Variants in SEMA6D observed in about 807,000 individuals in gnomAD.
SEMA6D encodes the protein semaphorin 6D, also known as semaphorin-6D.
In SEMA6D, 35 loss-of-function variants were observed where a neutral mutation model predicts 106.6. The observed-to-expected ratio is 0.33, with a 90% confidence interval of 0.25 to 0.44. SEMA6D has a LOEUF of 0.44. Among genes scored for constraint, SEMA6D ranks in the 20% least tolerant of loss-of-function variants. The pLI is 1.00. For missense variants in SEMA6D, 1,185 were observed against 1,345.9 expected, an observed-to-expected ratio of 0.88 and a Z score of 1.87; for synonymous variants, 499 against 487.7, an observed-to-expected ratio of 1.02 and a Z score of -0.31.
At chr15:47,461,181 C>T (rs1426415002) in intron 2 of SEMA6D, among the ~76,000 whole-genome samples, 3 of 152,134 alleles carry the variant, frequency 2.0e-5, no homozygotes, top group Admixed American at 6.6e-5. Context: ...ATGACTTTCT[C>T]AGAGAAGCCT....
intron 2 of SEMA6D, among the ~76,000 whole-genome samples, chr15:47,421,172 T>C (rs957674097): frequency 2.0e-5 from 3 of 152,128 alleles, no homozygotes; most frequent in African/African-American, 7.2e-5. Flanking sequence ...TTATTGACAT[T>C]CCAAGACAAG....
chr15:47,478,582 G>T (rs1320441922), intron 3 of SEMA6D, among the ~76,000 whole-genome samples: 1 of 152,152 alleles, frequency 6.6e-6, no homozygotes, highest in Non-Finnish European at 1.5e-5. Context: ...AGAGCCAAGG[G>T]CAGGGTGTTG....
rs1171364936 is a variant in SEMA6D at position 47,279,434 on chromosome 15, A to G, written c.-239+95016A>G. On this transcript the variant is annotated intron_variant, in intron 1 of 19. Transcript: ENST00000558014. ...GCTTAAGGAGATTTTGGGCTGAGAC[A>G]ATGGGGTTTTCTAGATATACAATCA... 1.8e-4 allele frequency among the ~76,000 whole-genome samples: 26 copies of G among 145,388 alleles called. No homozygotes were observed. In the East Asian group the frequency reaches 3.9e-3, roughly 22 times the overall value.
intron 1 of SEMA6D, among the ~76,000 whole-genome samples, chr15:47,411,020 G>A (rs565525714): frequency 5.3e-5 from 8 of 151,916 alleles, no homozygotes; most frequent in African/African-American, 1.9e-4. Flanking sequence ...TCATGCCATG[G>A]TGGACACGGT....
intron 4 of SEMA6D, among the ~76,000 whole-genome samples, chr15:47,636,704 C>G (rs1439526775): frequency 6.6e-6 from 1 of 152,184 alleles, no homozygotes; most frequent in South Asian, 2.1e-4. Context: ...TCCTCTCAGT[C>G]AGCACTGTCC....
intron 1 of SEMA6D, among the ~76,000 whole-genome samples, chr15:47,364,388 C>A (rs963877123): frequency 3.3e-5 from 5 of 152,232 alleles, no homozygotes; most frequent in Admixed American, 1.3e-4. Context: ...TAATCAGTCA[C>A]TCGAAAGATG....
chr15:47,471,925 T>TGTCACACA (rs1236811913), intron 3 of SEMA6D, among the ~76,000 whole-genome samples: 1 of 127,594 alleles, frequency 7.8e-6, no homozygotes, highest in African/African-American at 3.5e-5. Context: ...TCTCTCTCTC[T>TGTCACACA]CTCTCTCACA....
At chr15:47,292,622 A>C (rs1410447039) in intron 1 of SEMA6D, among the ~76,000 whole-genome samples, 1 of 152,192 alleles carries the variant, frequency 6.6e-6, no homozygotes, top group South Asian at 2.1e-4. Context: ...GGCAGGGCCA[A>C]GGAGGTCTTG....
chr15:47,503,875 A>G (rs1231099377), intron 3 of SEMA6D, among the ~76,000 whole-genome samples: 1 of 152,180 alleles, frequency 6.6e-6, no homozygotes, highest in Non-Finnish European at 1.5e-5. Flanking sequence ...CAAAAGGCCG[A>G]GAGAGAGACT....
chr15:47,683,833 CATT>C (rs2078412062), intron 4 of SEMA6D, among the ~76,000 whole-genome samples: 1 of 152,160 alleles, frequency 6.6e-6, no homozygotes, highest in Admixed American at 6.5e-5. Flanking sequence ...AATGGGAAGA[CATT>C]GTGTCTTCAC....
chr15:47,226,487 C>G (rs574011912), intron 1 of SEMA6D, among the ~76,000 whole-genome samples: 1 of 152,206 alleles, frequency 6.6e-6, no homozygotes, highest in African/African-American at 2.4e-5. Context: ...AGGTCACAGA[C>G]GCAAAGTCCA....
At chr15:47,364,313 G>A (rs2145182681) in intron 1 of SEMA6D, among the ~76,000 whole-genome samples, 1 of 152,326 alleles carries the variant, frequency 6.6e-6, no homozygotes, top group African/African-American at 2.4e-5. Context: ...TGCATGAGCA[G>A]CAGGAGCTCA....
At chr15:47,208,662 C>T (rs908659394) in intron 1 of SEMA6D, among the ~76,000 whole-genome samples, 62 of 152,266 alleles carry the variant, frequency 4.1e-4, no homozygotes, top group African/African-American at 1.4e-3. Context: ...GTCCATTTCT[C>T]ATCATGGTCT....
chr15:47,348,725 CACAGAGAG>C lies in SEMA6D; in HGVS notation c.-238-63666_-238-63659del, dbSNP rs1275653858. Among the ~76,000 whole-genome samples, 11 of 47,698 alleles carry C rather than the reference CACAGAGAG, an allele frequency of 2.3e-4. No homozygotes were observed. In the East Asian group the frequency reaches 4.4e-3, roughly 19 times the overall value. 31.3% of individuals were successfully genotyped at this position (47,698 alleles called of 152,430 possible). On this transcript the variant is annotated intron_variant, in intron 1 of 19. Transcript: ENST00000558014. ...CACACACACACACACACACCACACACACAGAGAGAGAGAGAGAGAGAGAGAGAGAGAGA... is the reference window on the plus strand; with the variant it reads ...CACACACACACACACACACCACACACAGAGAGAGAGAGAGAGAGAGAGAGA...
At chr15:47,641,833 C>T (rs1280591067) in intron 4 of SEMA6D, among the ~76,000 whole-genome samples, 1 of 152,196 alleles carries the variant, frequency 6.6e-6, no homozygotes, top group East Asian at 1.9e-4. Flanking sequence ...ATTCCTCACT[C>T]TAAAACACTC....
intron 4 of SEMA6D, chr15:47,606,137 G>C (rs2076777305): frequency 6.6e-6 from 1 of 152,130 alleles, no homozygotes; most frequent in Non-Finnish European, 1.5e-5. Context: ...GAGGGGTGGT[G>C]CAGGGTAGAT....
intron 4 of SEMA6D, among the ~76,000 whole-genome samples, chr15:47,685,973 A>G (rs1051055726): frequency 3.9e-5 from 6 of 152,242 alleles, no homozygotes; most frequent in Admixed American, 1.3e-4. Flanking sequence ...CAGAGAGCCC[A>G]CTGGAGAGCA....
At chr15:47,406,367 C>T (rs281317) in intron 1 of SEMA6D, among the ~76,000 whole-genome samples, 30,607 of 152,012 alleles carry the variant, frequency 0.2, 3,278 homozygotes, top group South Asian at 0.32. Flanking sequence ...TACTTATCCC[C>T]ACTGAGACTT....
intron 3 of SEMA6D, among the ~76,000 whole-genome samples, chr15:47,523,368 C>T (rs144152203): frequency 1.3e-5 from 2 of 152,024 alleles, no homozygotes; most frequent in African/African-American, 4.8e-5. Flanking sequence ...CAGGGGGCTT[C>T]CCAATGGAAG....
Sources: gnomAD v4.1 joint callset for allele counts (sites outside exome capture counted in the v4.1 genomes callset) on GRCh38, gnomAD v4.1.1 for gene constraint, MANE v1.5 for transcripts, NCBI Gene and HGNC (gene_info 2026-07-23, HGNC 2026-07-21) for gene names.